MCC: variants seen among roughly 807,000 people sequenced by gnomAD.
The protein encoded by MCC is colorectal mutant cancer protein.
In MCC, 90 loss-of-function variants were observed where a neutral mutation model predicts 116.2. That is an observed-to-expected ratio of 0.77 (90% confidence interval 0.65 to 0.92). The LOEUF is 0.92. Among genes scored for constraint, MCC ranks in the 40% least tolerant of loss-of-function variants. MCC has a pLI of 0.00. For synonymous variants in MCC, 578 were observed against 510.5 expected, an observed-to-expected ratio of 1.13 and a Z score of -1.78; for missense variants, 1,516 against 1,312.2, an observed-to-expected ratio of 1.16 and a Z score of -2.40.
chr5:113,137,364 A>C (rs951776142), intron 5 of MCC, among the ~76,000 whole-genome samples: 1 of 152,178 alleles, frequency 6.6e-6, no homozygotes, highest in African/African-American at 2.4e-5. Context: ...GAGCCAAACC[A>C]TATCAATATG....
chr5:113,447,084 G>T (rs1771243214), intron 1 of MCC, among the ~76,000 whole-genome samples: 1 of 152,160 alleles, frequency 6.6e-6, no homozygotes, highest in Non-Finnish European at 1.5e-5. Context: ...TGTGGGTTTG[G>T]GAGGTAGAGC....
chr5:113,423,389 A>C (rs1770392747), intron 1 of MCC, among the ~76,000 whole-genome samples: 1 of 152,216 alleles, frequency 6.6e-6, no homozygotes, highest in African/African-American at 2.4e-5. Flanking sequence ...AAGAACCTAT[A>C]CATAACACAA....
At chr5:113,237,078 T>C (rs910779581) in intron 3 of MCC, among the ~76,000 whole-genome samples, 4 of 152,188 alleles carry the variant, frequency 2.6e-5, no homozygotes, top group East Asian at 1.9e-4. Flanking sequence ...TACTTGCTAA[T>C]TGACTGAACT....
chr5:113,311,489 G>A (rs1767133039), intron 3 of MCC, among the ~76,000 whole-genome samples: 1 of 152,184 alleles, frequency 6.6e-6, no homozygotes. Context: ...CATCAAGCCA[G>A]CTTATCCTCA....
intron 3 of MCC, among the ~76,000 whole-genome samples, chr5:113,331,354 C>T (rs1767691758): frequency 6.6e-6 from 1 of 151,694 alleles, no homozygotes; most frequent in Non-Finnish European, 1.5e-5. Flanking sequence ...AGTAGCTCTT[C>T]CTCCCAGCAG....
intron 3 of MCC, among the ~76,000 whole-genome samples, chr5:113,317,038 C>T (rs1767302784): frequency 6.6e-6 from 1 of 152,200 alleles, no homozygotes; most frequent in African/African-American, 2.4e-5. Flanking sequence ...AAATTAGATT[C>T]ACTTCACTGG....
intron 14 of MCC, among the ~76,000 whole-genome samples, chr5:113,062,261 A>C (rs1753277475): frequency 6.6e-6 from 1 of 152,246 alleles, no homozygotes; most frequent in South Asian, 2.1e-4. Flanking sequence ...GCAGAAAAAC[A>C]GGATCCCAAA....
At chr5:113,183,391 A>T (rs1761726223) in intron 3 of MCC, among the ~76,000 whole-genome samples, 1 of 152,182 alleles carries the variant, frequency 6.6e-6, no homozygotes, top group Non-Finnish European at 1.5e-5. Flanking sequence ...TTCAGGTACC[A>T]GGTCAGAGAA....
At position 113,026,527 on chromosome 5, in the gene MCC, A is replaced by G. The variant is rs1750562977; in HGVS notation, c.*775T>C. On this transcript the variant is annotated 3_prime_UTR_variant, in exon 19 of 19. Coordinates refer to ENST00000408903, the MANE Select transcript of MCC (RefSeq NM_001085377.2). ...AAAGATTCCCAGCTCTAAGTCTTGG[A>G]TATTAATAAGGCTCCACTGAGAGGG... 1 of 152,268 alleles carries G rather than the reference A, an allele frequency of 6.6e-6. No individual in the cohort carries two copies. The highest frequency in any genetic ancestry group is 1.5e-5 in the Non-Finnish European group (1 of 68,054). 9.4% of individuals were successfully genotyped at this position (152,268 alleles called of 1,614,324 possible). A position where few individuals can be genotyped will look rare whatever the true frequency, so the allele number is the denominator to read the frequency against.
chr5:113,208,651 T>C (rs1379282122), intron 3 of MCC, among the ~76,000 whole-genome samples: 1 of 152,112 alleles, frequency 6.6e-6, no homozygotes, highest in Non-Finnish European at 1.5e-5. Flanking sequence ...GATGCCAAAA[T>C]AGAACACTGT....
chr5:113,483,164 T>C (rs528508643), intron 1 of MCC, among the ~76,000 whole-genome samples: 133 of 152,354 alleles, frequency 8.7e-4, no homozygotes, highest in African/African-American at 3.1e-3. Flanking sequence ...AGTGTCTTAA[T>C]TACTGTTGCT....
chr5:113,294,654 G>A (rs1265724453), intron 3 of MCC: 2 of 1,091,948 alleles, frequency 1.8e-6, no homozygotes, highest in Non-Finnish European at 2.2e-6. Flanking sequence ...GAGCCCGCGC[G>A]GGGACCCTCC....
At chr5:113,304,725 A>G (rs1766942467) in intron 3 of MCC, among the ~76,000 whole-genome samples, 1 of 152,212 alleles carries the variant, frequency 6.6e-6, no homozygotes, top group Non-Finnish European at 1.5e-5. Flanking sequence ...GGAAAGGAAA[A>G]TTAATCAGTG....
intron 3 of MCC, among the ~76,000 whole-genome samples, chr5:113,195,377 T>C (rs1037844917): frequency 6.6e-6 from 1 of 152,176 alleles, no homozygotes; most frequent in African/African-American, 2.4e-5. Context: ...ACCTACAATT[T>C]GGTCTCAACC....
intron 3 of MCC, among the ~76,000 whole-genome samples, chr5:113,333,088 G>C (rs886569442): frequency 2.6e-5 from 4 of 151,552 alleles, no homozygotes; most frequent in African/African-American, 9.8e-5. Flanking sequence ...ATGAAAAAAG[G>C]GGGAAACAAA....
At chr5:113,366,957 A>G (rs1768702784) in intron 2 of MCC, among the ~76,000 whole-genome samples, 1 of 151,920 alleles carries the variant, frequency 6.6e-6, no homozygotes, top group Admixed American at 6.6e-5. Flanking sequence ...GTGCACCACC[A>G]TGTCTGGCTA....
intron 17 of MCC, among the ~76,000 whole-genome samples, chr5:113,032,357 G>A (rs750462449): frequency 2.1e-5 from 3 of 146,168 alleles, no homozygotes; most frequent in South Asian, 2.1e-4. Flanking sequence ...GCAGTAAGCC[G>A]AGATCGCGCC....
chr5:113,102,222 G>C (rs1279833265), intron 7 of MCC, among the ~76,000 whole-genome samples: 1 of 152,194 alleles, frequency 6.6e-6, no homozygotes, highest in Non-Finnish European at 1.5e-5. Flanking sequence ...TCTGTCTGTG[G>C]TGCTAGCTGA....
chr5:113,103,910 C>T (rs184780365), intron 7 of MCC, among the ~76,000 whole-genome samples: 205 of 152,276 alleles, frequency 1.3e-3, no homozygotes, highest in South Asian at 2.5e-3. Context: ...TCTAAAATGA[C>T]GTGGTTCAAT....
Sources: allele counts gnomAD v4.1 joint callset (sites outside exome capture counted in the v4.1 genomes callset), GRCh38; gene constraint gnomAD v4.1.1; transcripts MANE v1.5; gene names NCBI Gene and HGNC (gene_info 2026-07-23, HGNC 2026-07-21).